Variants in CACNA1C observed in about 807,000 individuals in gnomAD.
CACNA1C encodes the protein voltage-dependent L-type calcium channel subunit alpha-1C.
Under a neutral mutation model 229.0 loss-of-function variants are expected in CACNA1C, and 30 were observed. That is an observed-to-expected ratio of 0.13 (90% CI 0.10 to 0.18). The LOEUF (loss-of-function observed/expected upper bound fraction) is 0.18. CACNA1C is among the 10% of genes least tolerant of loss of function. The pLI, the probability that CACNA1C is intolerant of heterozygous loss-of-function variation, is 1.00. For synonymous variants in CACNA1C, 1,114 were observed against 1,132.5 expected (o/e 0.98, Z 0.33); for missense variants, 1,658 against 2,845.0 (o/e 0.58, Z 9.49).
intron 1 of CACNA1C, among the ~76,000 whole-genome samples, chr12:2,106,570 C>G (rs1316956919): frequency 8.3e-6 from 1 of 120,634 alleles, no homozygotes; most frequent in Non-Finnish European, 1.8e-5. Flanking sequence ...AGCTGGGCAT[C>G]CTGAAGCCAC....
chr12:2,561,190 T>A (rs899169648), intron 11 of CACNA1C, among the ~76,000 whole-genome samples: 4 of 152,206 alleles, frequency 2.6e-5, no homozygotes, highest in African/African-American at 9.6e-5. Flanking sequence ...ACCCGATTCC[T>A]TCGTGGGTCT....
At chr12:2,663,735 C>T (rs1250050562) in intron 34 of CACNA1C, among the ~76,000 whole-genome samples, 8 of 103,850 alleles carry the variant, frequency 7.7e-5, no homozygotes, top group African/African-American at 1.2e-4. Flanking sequence ...AATAGAGTAT[C>T]TTTTTTTTTT....
At chr12:2,142,156 C>T (rs1426269891) in intron 3 of CACNA1C, among the ~76,000 whole-genome samples, 3 of 151,246 alleles carry the variant, frequency 2.0e-5, no homozygotes, top group Non-Finnish European at 3.0e-5. Flanking sequence ...CTGTGCCTTA[C>T]ACACGTCACC....
At chr12:2,214,488 G>C (rs983887261) in intron 3 of CACNA1C, among the ~76,000 whole-genome samples, 14 of 152,010 alleles carry the variant, frequency 9.2e-5, no homozygotes, top group African/African-American at 2.4e-5. Flanking sequence ...CACTGATCTC[G>C]TGAACTAGGA....
At chr12:2,340,615 G>A (rs1411501914) in intron 3 of CACNA1C, among the ~76,000 whole-genome samples, 10 of 152,200 alleles carry the variant, frequency 6.6e-5, no homozygotes, top group Admixed American at 6.5e-4. Context: ...AGGGTCCCTG[G>A]AAATGTATTG....
intron 3 of CACNA1C, among the ~76,000 whole-genome samples, chr12:2,295,177 A>G (rs1413132606): frequency 1.3e-5 from 2 of 152,172 alleles, no homozygotes; most frequent in Non-Finnish European, 2.9e-5. Context: ...AAGCCTGGGC[A>G]GTGAACATCC....
chr12:2,066,231 A>G (rs1279910891), intron 1 of CACNA1C, among the ~76,000 whole-genome samples: 2 of 152,060 alleles, frequency 1.3e-5, no homozygotes, highest in Non-Finnish European at 2.9e-5. Flanking sequence ...GGCAAGTAGA[A>G]GATGCCCAGC....
intron 3 of CACNA1C, among the ~76,000 whole-genome samples, chr12:2,333,880 T>C (rs1230412006): frequency 6.6e-6 from 1 of 152,212 alleles, no homozygotes; most frequent in Non-Finnish European, 1.5e-5. Flanking sequence ...AAGACAGGAA[T>C]TACTTCCCTT....
At chr12:2,235,778 A>T (rs1344154383) in intron 3 of CACNA1C, among the ~76,000 whole-genome samples, 1 of 152,128 alleles carries the variant, frequency 6.6e-6, no homozygotes, top group Non-Finnish European at 1.5e-5. Flanking sequence ...GGCAGGTAGG[A>T]GCAGTCCGGT....
Position 2,566,462 on chromosome 12 carries a change from T to G in CACNA1C, c.1549T>G (p.Cys517Gly). ...GTGGAATCGGTTCTGCAGAAGGAAG[T>G]GCCGCGCCGCAGTCAAGTCTAATGT... ...RRWNRFCRRK[C>G]RAAVKSNVFY... The change falls in exon 12 of 47, where the codon TGC becomes GGC. Residue 517 changes from cysteine to glycine, a missense_variant. By Grantham distance (159) the Cys-to-Gly change is radical. This residue lies in a region of CACNA1C where 149 missense variants were observed against 194.2 expected (regional missense o/e 0.77). Transcript: ENST00000399655. This position sits in a 1 kb window ranked among gnomAD's most constrained non-coding sequence, Gnocchi z 4.0. 6.3e-7 allele frequency: 1 copy of G among 1,596,448 alleles called. No homozygotes were observed. The highest frequency in any genetic ancestry group is 1.1e-5 in the South Asian group (1 of 87,528).
chr12:2,091,790 T>A (rs1276580598), intron 1 of CACNA1C, among the ~76,000 whole-genome samples: 2 of 152,196 alleles, frequency 1.3e-5, no homozygotes, highest in Non-Finnish European at 2.9e-5. Flanking sequence ...GCATCTTTTG[T>A]AGGGAGGGTT....
chr12:2,541,272 AG>A (rs2099869526), intron 9 of CACNA1C, among the ~76,000 whole-genome samples: 1 of 152,198 alleles, frequency 6.6e-6, no homozygotes, highest in South Asian at 2.1e-4. Context: ...GCCAAATTAC[AG>A]GGTGTTTTAG....
At chr12:2,661,243 T>A (rs2095704387) in intron 34 of CACNA1C, among the ~76,000 whole-genome samples, 1 of 148,774 alleles carries the variant, frequency 6.7e-6, no homozygotes, top group African/African-American at 2.5e-5. Flanking sequence ...GCCTGGGTGA[T>A]GAAGTGACAT....
At chr12:2,166,034 G>A (rs140547929) in intron 3 of CACNA1C, among the ~76,000 whole-genome samples, 2,047 of 152,328 alleles carry the variant, frequency 0.013, 17 homozygotes, top group Non-Finnish European at 0.02. Flanking sequence ...GATGAAACAG[G>A]ACAGGGTGAA....
chr12:2,519,861 C>T (rs1309690945), intron 9 of CACNA1C, among the ~76,000 whole-genome samples: 1 of 152,202 alleles, frequency 6.6e-6, no homozygotes, highest in East Asian at 1.9e-4. Context: ...AGCACATTAC[C>T]TTTGGAGCAC....
intron 29 of CACNA1C, among the ~76,000 whole-genome samples, chr12:2,616,906 C>G (rs1228911568): frequency 6.6e-6 from 1 of 152,234 alleles, no homozygotes; most frequent in African/African-American, 2.4e-5. Context: ...CTGCTGGGCC[C>G]GACAGGCCTT....
intron 1 of CACNA1C, among the ~76,000 whole-genome samples, chr12:2,047,877 G>A (rs2051356115): frequency 6.6e-6 from 1 of 152,230 alleles, no homozygotes; most frequent in African/African-American, 2.4e-5. Flanking sequence ...AGGAAAGCAG[G>A]ACATGATGTG....
chr12:2,120,519 TG>T (rs1275507232), intron 3 of CACNA1C, 89 bp downstream of exon 3: 2 of 820,994 alleles, frequency 2.4e-6, no homozygotes, highest in Non-Finnish European at 4.3e-6. Flanking sequence ...GGGAGAGAAG[TG>T]AGACGTGTGT....
chr12:2,208,588 G>A (rs1344501649), intron 3 of CACNA1C, among the ~76,000 whole-genome samples: 2 of 152,214 alleles, frequency 1.3e-5, no homozygotes, highest in African/African-American at 4.8e-5. Context: ...ACCTAAGGAA[G>A]GATGTCTGGG....
Sources: gnomAD v4.1 joint callset for allele counts (sites outside exome capture counted in the v4.1 genomes callset) on GRCh38, gnomAD v4.1.1 for gene constraint, gnomAD v4.1.1 regional missense constraint, Gnocchi (gnomAD v3.1) non-coding constraint, MANE v1.5 for transcripts, NCBI Gene and HGNC (gene_info 2026-07-23, HGNC 2026-07-21) for gene names.